Variants in HDAC9 observed in about 807,000 individuals in gnomAD.
HDAC9 encodes the protein MEF-2 interacting transcription repressor (MITR) protein.
In HDAC9, 41 loss-of-function variants were observed where a neutral mutation model predicts 139.4. That is an observed-to-expected ratio of 0.29 (90% confidence interval 0.23 to 0.38). The LOEUF is 0.38. Ranked by LOEUF, HDAC9 falls within the 10% of genes least tolerant of loss-of-function variation. The probability of loss-of-function intolerance (pLI) is 1.00; values close to 1 mark genes in which losing one functional copy is unlikely to be tolerated. For synonymous variants in HDAC9, 517 were observed against 476.2 expected (o/e 1.09, Z -1.12); for missense variants, 1,147 against 1,297.0 (o/e 0.88, Z 1.78).
At chr7:18,350,666 A>C (rs934653606) in intron 1 of HDAC9, among the ~76,000 whole-genome samples, 1 of 152,226 alleles carries the variant, frequency 6.6e-6, no homozygotes, top group Non-Finnish European at 1.5e-5. Context: ...AGTACATTCC[A>C]TAGCTGTAAG....
At chr7:18,530,519 G>T (rs1028923414) in intron 2 of HDAC9, among the ~76,000 whole-genome samples, 7 of 152,040 alleles carry the variant, frequency 4.6e-5, no homozygotes, top group Non-Finnish European at 1.0e-4. Flanking sequence ...CATTTAATGA[G>T]CTGGCAGGGA....
chr7:18,238,099 ATCT>A (rs1305806210), intron 2 of HDAC9, among the ~76,000 whole-genome samples: 3 of 152,232 alleles, frequency 2.0e-5, no homozygotes, highest in Non-Finnish European at 4.4e-5. Context: ...GCTAATGAAG[ATCT>A]TCTTAATTAA....
intron 1 of HDAC9, among the ~76,000 whole-genome samples, chr7:18,121,917 G>C (rs1414883196): frequency 6.6e-6 from 1 of 152,148 alleles, no homozygotes; most frequent in African/African-American, 2.4e-5. Flanking sequence ...TTGAGGAAAA[G>C]ATGAACTTTT....
intron 2 of HDAC9, among the ~76,000 whole-genome samples, chr7:18,169,692 T>C (rs1167048246): frequency 2.0e-5 from 3 of 152,152 alleles, no homozygotes; most frequent in Admixed American, 6.5e-5. Context: ...TTCCCACCTA[T>C]GAGTGAGAAC....
intron 1 of HDAC9, among the ~76,000 whole-genome samples, chr7:18,098,444 T>G (rs1260558073): frequency 6.6e-6 from 1 of 152,240 alleles, no homozygotes; most frequent in African/African-American, 2.4e-5. Context: ...CATTTTCTGT[T>G]TACTGCTAGA....
chr7:18,694,517 C>T (rs772629643), intron 12 of HDAC9, among the ~76,000 whole-genome samples: 7 of 152,276 alleles, frequency 4.6e-5, no homozygotes, highest in Middle Eastern at 3.4e-3. Flanking sequence ...CTCCAAAGTT[C>T]ATTAGCCTAT....
intron 1 of HDAC9, among the ~76,000 whole-genome samples, chr7:18,424,428 GTCACTGGACAC>G (rs2128754580): frequency 6.6e-6 from 1 of 152,254 alleles, no homozygotes; most frequent in South Asian, 2.1e-4. Flanking sequence ...TTATAGGACA[GTCACTGGACAC>G]TATACTGGAG....
intron 1 of HDAC9, among the ~76,000 whole-genome samples, chr7:18,391,501 C>G (rs1025412446): frequency 2.6e-5 from 4 of 152,192 alleles, no homozygotes; most frequent in Admixed American, 6.5e-5. Context: ...AATCCTGTCA[C>G]AAAGTGACCT....
At chr7:18,120,092 A>C (rs929461348) in intron 1 of HDAC9, among the ~76,000 whole-genome samples, 4 of 152,202 alleles carry the variant, frequency 2.6e-5, no homozygotes, top group Non-Finnish European at 2.9e-5. Context: ...GTAAACATTT[A>C]CTACTGGGTA....
intron 17 of HDAC9, among the ~76,000 whole-genome samples, chr7:18,824,174 A>G (rs1024369422): frequency 6.6e-6 from 1 of 152,186 alleles, no homozygotes. Flanking sequence ...TGAGGGTGGC[A>G]GAGGGAAGAC....
At chr7:18,517,379 A>G (rs1025244343) in intron 2 of HDAC9, among the ~76,000 whole-genome samples, 1 of 152,218 alleles carries the variant, frequency 6.6e-6, no homozygotes, top group South Asian at 2.1e-4. Context: ...CATGTCAAGT[A>G]TGGTCCCTTA....
intron 2 of HDAC9, among the ~76,000 whole-genome samples, chr7:18,186,871 C>A (rs1202339292): frequency 6.6e-6 from 1 of 152,150 alleles, no homozygotes; most frequent in Non-Finnish European, 1.5e-5. Flanking sequence ...AATTGGAAGT[C>A]TTTATCTCTT....
chr7:18,790,769 T>A (rs1439269931), intron 16 of HDAC9, among the ~76,000 whole-genome samples: 1 of 152,188 alleles, frequency 6.6e-6, no homozygotes, highest in East Asian at 1.9e-4. Flanking sequence ...TAATGGATGA[T>A]AAATCCCATA....
rs552046337 is a variant in HDAC9 at position 18,128,856 on chromosome 7, T to A, written c.-96-33373T>A. On this transcript the variant is annotated intron_variant, in intron 1 of 12. Coordinates refer to the HDAC9 transcript ENST00000417496. The stretch of plus-strand genomic sequence containing the variant: ...CTTCCCTCTCTTCCTGTCTCTCTTT[T>A]TTTCTCCCTCCCTCTCTCATTGCTC... Among the ~76,000 whole-genome samples, 4 of 152,200 alleles carry A rather than the reference T, an allele frequency of 2.6e-5. No individual in the cohort carries two copies. In the East Asian group the frequency reaches 7.8e-4, roughly 30 times the overall value.
chr7:18,597,697 C>T (rs1215541217), intron 6 of HDAC9, among the ~76,000 whole-genome samples: 1 of 152,070 alleles, frequency 6.6e-6, no homozygotes, highest in Non-Finnish European at 1.5e-5. Flanking sequence ...AGAAGTTTTA[C>T]CCTCCATTAT....
At chr7:18,607,799 A>C (rs1270040061) in intron 6 of HDAC9, among the ~76,000 whole-genome samples, 3 of 151,080 alleles carry the variant, frequency 2.0e-5, no homozygotes. Flanking sequence ...TTTCATAAAG[A>C]GGTGTGATAA....
intron 1 of HDAC9, among the ~76,000 whole-genome samples, chr7:18,449,889 G>A (rs1252320378): frequency 2.0e-5 from 3 of 152,068 alleles, no homozygotes; most frequent in East Asian, 1.9e-4. Context: ...CTATACTCAT[G>A]TCTTTTCTAT....
chr7:18,400,629 T>C (rs1787452614), intron 1 of HDAC9, among the ~76,000 whole-genome samples: 1 of 152,146 alleles, frequency 6.6e-6, no homozygotes, highest in African/African-American at 2.4e-5. Context: ...TGCTGAAAAG[T>C]GGCACTTAGA....
intron 2 of HDAC9, among the ~76,000 whole-genome samples, chr7:18,196,723 G>C (rs952313713): frequency 6.6e-6 from 1 of 152,164 alleles, no homozygotes; most frequent in Non-Finnish European, 1.5e-5. Context: ...TGTCCACAGC[G>C]TACGCAGTGA....
Sources: allele counts gnomAD v4.1 joint callset (sites outside exome capture counted in the v4.1 genomes callset), GRCh38; gene constraint gnomAD v4.1.1; transcripts MANE v1.5; gene names NCBI Gene and HGNC (gene_info 2026-07-23, HGNC 2026-07-21).